CDH13: variants seen among roughly 807,000 people sequenced by gnomAD.
CDH13 encodes the protein cadherin 13.
CDH13 carries 24 observed loss-of-function variants against 63.8 expected under a neutral mutation model. The ratio of observed to expected loss-of-function variants is 0.38; its 90% CI spans 0.27 to 0.53. The LOEUF (loss-of-function observed/expected upper bound fraction) is 0.53. Among genes scored for constraint, CDH13 ranks in the 20% least tolerant of loss-of-function variants. The pLI is 0.85. For synonymous variants in CDH13, 503 were observed against 355.3 expected (o/e 1.42, Z -4.67); for missense variants, 1,049 against 903.1 (o/e 1.16, Z -2.07).
At chr16:83,152,912 A>C (rs1039056756) in intron 4 of CDH13, among the ~76,000 whole-genome samples, 5 of 152,202 alleles carry the variant, frequency 3.3e-5, no homozygotes, top group Admixed American at 1.3e-4. Flanking sequence ...CCCACAAAGA[A>C]AGAACACTGT....
At chr16:82,929,333 G>T (rs901311121) in intron 2 of CDH13, among the ~76,000 whole-genome samples, 1 of 151,832 alleles carries the variant, frequency 6.6e-6, no homozygotes, top group African/African-American at 2.4e-5. Context: ...CAGTGAACTC[G>T]CTCGTCCTTT....
Position 82,849,714 on chromosome 16 carries a change from C to G in CDH13, c.46-8648C>G, listed in dbSNP as rs76972413. On this transcript the variant is annotated intron_variant, in intron 1 of 13. Transcript: ENST00000567109. ...AGAGAAGAAGTAAAGGACAAGCAAA[C>G]TCTTTTGTCTGGGACTAATGCAACT... is the stretch of plus-strand genomic sequence containing the variant. Among the ~76,000 whole-genome samples the G allele has an allele frequency of 2.2e-3, 342 of 152,336 alleles. 1 individual carries two copies. Among genetic ancestry groups the G allele is most frequent in the African/African-American group, 8.0e-3 (331 of 41,574 alleles).
chr16:83,578,187 G>C (rs1442228331), intron 7 of CDH13, among the ~76,000 whole-genome samples: 1 of 152,182 alleles, frequency 6.6e-6, no homozygotes, highest in East Asian at 1.9e-4. Flanking sequence ...TGGTACCCGG[G>C]TGAAAATATA....
At position 82,794,127 on chromosome 16, in the gene CDH13, C is replaced by T. The variant is rs190996844; in HGVS notation, c.46-64235C>T. Among the ~76,000 whole-genome samples the T allele has an allele frequency of 5.3e-5, 8 of 151,740 alleles. No individual in the cohort carries two copies. The East Asian group carries it at 7.8e-4, about 15-fold the overall frequency. ...CTTTGAATGAGGCCCAACACAAGTT[C>T]GTAAAGTTTCTTAAAAGGTTATGAA... On this transcript the variant is annotated intron_variant, in intron 1 of 13. Coordinates refer to ENST00000567109, the MANE Select transcript of CDH13 (RefSeq NM_001257.5).
intron 1 of CDH13, among the ~76,000 whole-genome samples, chr16:82,655,705 T>C (rs1032756992): frequency 2.0e-5 from 3 of 152,198 alleles, no homozygotes; most frequent in African/African-American, 7.2e-5. Context: ...TATTTTTTTC[T>C]TGTTTACATT....
intron 4 of CDH13, among the ~76,000 whole-genome samples, chr16:83,142,797 T>G (rs550734504): frequency 9.9e-5 from 15 of 152,272 alleles, no homozygotes; most frequent in African/African-American, 3.4e-4. Flanking sequence ...GTGGTCTCTC[T>G]ACAAGGTGAT....
intron 6 of CDH13, among the ~76,000 whole-genome samples, chr16:83,471,621 T>C (rs530500333): frequency 6.6e-6 from 1 of 152,300 alleles, no homozygotes; most frequent in Admixed American, 6.5e-5. Flanking sequence ...GAAGCGACTT[T>C]TGCAGCTCAG....
At chr16:83,345,029 T>G in intron 6 of CDH13, 23 bp downstream of exon 6, 1 of 1,611,408 alleles carries the variant, frequency 6.2e-7, no homozygotes, top group Non-Finnish European at 8.5e-7. Context: ...GGCTTACCTT[T>G]AGCGTAATGG....
intron 4 of CDH13, among the ~76,000 whole-genome samples, chr16:83,205,624 G>C (rs1207739000): frequency 1.3e-5 from 1 of 77,566 alleles, no homozygotes; most frequent in East Asian, 3.8e-4. Context: ...TTTTTTTTTT[G>C]AGACAAAGTC....
At chr16:83,329,687 T>G (rs956119244) in intron 5 of CDH13, among the ~76,000 whole-genome samples, 7 of 152,290 alleles carry the variant, frequency 4.6e-5, no homozygotes, top group African/African-American at 1.7e-4. Flanking sequence ...CTTTGCCCCC[T>G]TTCTGTGTCC....
intron 2 of CDH13, among the ~76,000 whole-genome samples, chr16:83,013,274 T>C (rs1914343635): frequency 6.6e-6 from 1 of 152,202 alleles, no homozygotes; most frequent in Non-Finnish European, 1.5e-5. Context: ...ACAAAAACAG[T>C]AGTGGGCCGG....
intron 1 of CDH13, among the ~76,000 whole-genome samples, chr16:82,828,322 C>T (rs1396955213): frequency 6.6e-6 from 1 of 152,102 alleles, no homozygotes; most frequent in Admixed American, 6.6e-5. Flanking sequence ...AACTATGGAT[C>T]AAAAGTATCC....
intron 2 of CDH13, among the ~76,000 whole-genome samples, chr16:82,959,664 T>C (rs980038699): frequency 1.4e-4 from 21 of 152,222 alleles, no homozygotes; most frequent in Non-Finnish European, 2.9e-5. Flanking sequence ...GAAGACTCTT[T>C]TTAAGGTCAG....
intron 11 of CDH13, among the ~76,000 whole-genome samples, chr16:83,777,026 C>A (rs943982228): frequency 6.6e-6 from 1 of 152,220 alleles, no homozygotes; most frequent in African/African-American, 2.4e-5. Flanking sequence ...CTTCCCACTT[C>A]CCACTGCACT....
chr16:83,471,202 A>G lies in CDH13; in HGVS notation c.782-15275A>G, dbSNP rs2073443389. 3.9e-5 allele frequency among the ~76,000 whole-genome samples: 6 copies of G among 152,000 alleles called. No individual in the cohort carries two copies. In the South Asian group the frequency reaches 1.2e-3, roughly 32 times the overall value. Reference sequence around the variant, plus strand: ...TAAGTTTCTTTTACCCTGTAAGATAACATGGTAAGATATTCACAGTTGTTG... The same window carrying G: ...TAAGTTTCTTTTACCCTGTAAGATAGCATGGTAAGATATTCACAGTTGTTG... On this transcript the variant is annotated intron_variant, in intron 6 of 13. Transcript: ENST00000567109.
chr16:83,009,424 T>C (rs912136939), intron 2 of CDH13, among the ~76,000 whole-genome samples: 11 of 152,222 alleles, frequency 7.2e-5, no homozygotes, highest in Admixed American at 3.9e-4. Flanking sequence ...GCAACTATTG[T>C]AGGTGTCTTT....
chr16:83,173,684 A>G (rs1259736908), intron 4 of CDH13, among the ~76,000 whole-genome samples: 5 of 152,140 alleles, frequency 3.3e-5, no homozygotes, highest in African/African-American at 4.8e-5. Flanking sequence ...GGCAAACTAT[A>G]TGAAAGATGC....
At chr16:82,837,177 C>G (rs1051813458) in intron 1 of CDH13, among the ~76,000 whole-genome samples, 1 of 152,158 alleles carries the variant, frequency 6.6e-6, no homozygotes, top group Non-Finnish European at 1.5e-5. Context: ...GGGAGTTAGG[C>G]CACGTGGATT....
chr16:83,683,967 C>T (rs1904279112), intron 10 of CDH13, among the ~76,000 whole-genome samples: 1 of 152,194 alleles, frequency 6.6e-6, no homozygotes, highest in East Asian at 1.9e-4. Context: ...GACTTGCTTC[C>T]ACTTTCAGCG....
Sources: allele counts gnomAD v4.1 joint callset (sites outside exome capture counted in the v4.1 genomes callset), GRCh38; gene constraint gnomAD v4.1.1; transcripts MANE v1.5; gene names NCBI Gene and HGNC (gene_info 2026-07-23, HGNC 2026-07-21).